Variants in ABCC5 observed in about 807,000 individuals in gnomAD.
ABCC5 encodes the protein ATP binding cassette subfamily C member 5.
ABCC5 carries 61 observed loss-of-function variants against 160.9 expected under a neutral mutation model. That is an observed-to-expected ratio of 0.38 (90% confidence interval 0.31 to 0.47). The LOEUF is 0.47. Ranked by LOEUF, ABCC5 falls within the 20% of genes least tolerant of loss-of-function variation. ABCC5 has a pLI of 0.99. For missense variants in ABCC5, 1,308 were observed against 1,813.3 expected (o/e 0.72, Z 5.06); for synonymous variants, 666 against 700.6 (o/e 0.95, Z 0.78).
intron 2 of ABCC5, chr3:184,009,920 G>A (rs762167076): frequency 5.7e-5 from 24 of 420,460 alleles, no homozygotes; most frequent in East Asian, 1.5e-4. Context: ...AGGCTGAGGC[G>A]GGAGGCTTGC....
chr3:183,928,077 C>T (rs1218883509), intron 27 of ABCC5, among the ~76,000 whole-genome samples: 1 of 151,740 alleles, frequency 6.6e-6, no homozygotes, highest in Non-Finnish European at 1.5e-5. Context: ...CATATGCACA[C>T]TGTGTGCTTT....
At chr3:183,943,945 C>G (rs1157118133) in intron 24 of ABCC5, among the ~76,000 whole-genome samples, 2 of 152,200 alleles carry the variant, frequency 1.3e-5, no homozygotes, top group Admixed American at 6.5e-5. Flanking sequence ...ATACACTGGG[C>G]AGCCACCTGC....
chr3:183,933,375 G>A (rs146125244), intron 26 of ABCC5, among the ~76,000 whole-genome samples: 293 of 152,156 alleles, frequency 1.9e-3, no homozygotes, highest in African/African-American at 6.6e-3. Context: ...AGCCTAGCCA[G>A]GCTCCAGACA....
rs1718790383 is a variant in ABCC5 at position 183,982,011 on chromosome 3, C to T, written c.1000-137G>A. 2 of 891,668 alleles carry T rather than the reference C, an allele frequency of 2.2e-6. No homozygotes were observed. The highest frequency in any genetic ancestry group is 3.4e-5 in the Admixed American group (1 of 29,280). The allele number at this position is 891,668 out of a possible 1,614,324, so 55.2% of individuals were successfully genotyped here. ...ATGGGCCAAATGTTATGTAATCGTA[C>T]TGTCTTTAATAAAAGTGACCTATTG... On this transcript the variant is annotated intron_variant, in intron 7 of 29. Transcript: ENST00000334444. The surrounding 1 kb of genome is among the most constrained non-coding windows in gnomAD (Gnocchi z 5.2).
intron 12 of ABCC5, among the ~76,000 whole-genome samples, chr3:183,966,599 C>A (rs1378982170): frequency 6.6e-6 from 1 of 152,128 alleles, no homozygotes; most frequent in Non-Finnish European, 1.5e-5. Flanking sequence ...TCCTTCTCCC[C>A]CTCCCCCCAT....
intron 29 of ABCC5, among the ~76,000 whole-genome samples, chr3:183,925,313 A>G (rs994411460): frequency 2.0e-5 from 3 of 152,250 alleles, no homozygotes; most frequent in African/African-American, 7.2e-5. Flanking sequence ...GACTTAAGTC[A>G]GTGTCGCTAC....
intron 17 of ABCC5, 29 bp from the exon 18 acceptor site, chr3:183,953,299 C>A: frequency 6.4e-7 from 1 of 1,571,630 alleles, no homozygotes; most frequent in South Asian, 1.2e-5. Context: ...AACATGGACT[C>A]AGAAGGGAAG....
intron 9 of ABCC5, 49 bp downstream of exon 9, chr3:183,978,454 G>T: frequency 2.5e-6 from 4 of 1,586,802 alleles, no homozygotes; most frequent in Non-Finnish European, 3.4e-6. Flanking sequence ...TCAGCCTCCA[G>T]CAAATGTGGT....
chr3:183,940,621 T>C (rs1434204329), intron 25 of ABCC5, among the ~76,000 whole-genome samples: 1 of 151,854 alleles, frequency 6.6e-6, no homozygotes, highest in Non-Finnish European at 1.5e-5. Flanking sequence ...CCCGAAACAA[T>C]GGGTCAAGTT....
Position 183,988,881 on chromosome 3 carries a change from A to C in ABCC5, c.288-154T>G, listed in dbSNP as rs372790664. On this transcript the variant is annotated intron_variant, in intron 3 of 29. Coordinates refer to ENST00000334444, the MANE Select transcript of ABCC5 (RefSeq NM_005688.4). This position sits in a 1 kb window ranked among gnomAD's most constrained non-coding sequence, Gnocchi z 4.4. ...GCCTGAATGTTCTAAAACGGCTTTG[A>C]TGGGCCGGGCGCGGTGGCTCACACC... Among the ~76,000 whole-genome samples, 3 of 152,054 alleles carry C rather than the reference A, an allele frequency of 2.0e-5. No homozygotes were observed. Among genetic ancestry groups the C allele is most frequent in the Admixed American group, 6.6e-5 (1 of 15,244 alleles).
At chr3:183,966,969 A>G (rs771219177) in intron 12 of ABCC5, among the ~76,000 whole-genome samples, 25 of 151,792 alleles carry the variant, frequency 1.6e-4, no homozygotes, top group Non-Finnish European at 3.4e-4. Context: ...CATCTAAGTC[A>G]AGTTAATTTA....
intron 10 of ABCC5, among the ~76,000 whole-genome samples, chr3:183,972,667 T>A (rs946684176): frequency 1.3e-5 from 2 of 152,200 alleles, no homozygotes; most frequent in African/African-American, 4.8e-5. Context: ...TTTTTTGAGA[T>A]GGAGTCTCGC....
Position 183,988,526 on chromosome 3 carries a change from TGCCCACCCG to T in ABCC5, c.443+37_443+45del. The T allele has an allele frequency of 6.3e-7, 1 of 1,576,988 alleles. No homozygotes were observed. Among genetic ancestry groups the T allele is most frequent in the Non-Finnish European group, 8.6e-7 (1 of 1,165,276 alleles). On this transcript the variant is annotated intron_variant, in intron 4 of 29. Coordinates refer to ENST00000334444, the MANE Select transcript of ABCC5 (RefSeq NM_005688.4). This position sits in a 1 kb window ranked among gnomAD's most constrained non-coding sequence, Gnocchi z 4.4. Reference sequence around the variant, plus strand: ...GACTTCACACTCCTAGCTCAGGCCCTGCCCACCCGGCATGGGGGAGATGAGGGTGGACCA... The same window carrying T: ...GACTTCACACTCCTAGCTCAGGCCCTGCATGGGGGAGATGAGGGTGGACCA...
At chr3:184,015,922 G>C (rs1193953481) in intron 1 of ABCC5, among the ~76,000 whole-genome samples, 2 of 152,202 alleles carry the variant, frequency 1.3e-5, no homozygotes, top group Non-Finnish European at 2.9e-5. Context: ...TAGCTTAGCT[G>C]ATTATCTGGA....
intron 1 of ABCC5, among the ~76,000 whole-genome samples, chr3:184,015,057 T>C (rs1204969092): frequency 1.3e-5 from 2 of 152,138 alleles, no homozygotes; most frequent in East Asian, 1.9e-4. Context: ...TAAAACTAGA[T>C]AGTGGTAATG....
chr3:183,998,815 C>A (rs536501771), intron 2 of ABCC5, among the ~76,000 whole-genome samples: 14 of 152,090 alleles, frequency 9.2e-5, no homozygotes, highest in East Asian at 1.9e-4. Flanking sequence ...CAGGGCCAGG[C>A]GTAGTGGCTC....
intron 28 of ABCC5, among the ~76,000 whole-genome samples, chr3:183,926,172 C>CA (rs1712539782): frequency 6.9e-6 from 1 of 145,974 alleles, no homozygotes; most frequent in South Asian, 2.2e-4. Context: ...AGAAAGCACG[C>CA]ATATATGTAA....
At chr3:183,975,194 G>A (rs1024995206) in intron 10 of ABCC5, among the ~76,000 whole-genome samples, 19 of 152,024 alleles carry the variant, frequency 1.2e-4, no homozygotes, top group Middle Eastern at 6.8e-3. Flanking sequence ...TTCCTTTAAC[G>A]TACTCAGAAA....
Position 183,982,419 on chromosome 3 carries a change from G to C in ABCC5, c.999+32C>G. The stretch of plus-strand genomic sequence containing the variant: ...GAAGTAACTCATCTCCTAAGGAGAA[G>C]CTGCCAGGATTCAGCTGGGAGGCTT... On this transcript the variant is annotated intron_variant, in intron 7 of 29. Coordinates refer to ENST00000334444, the MANE Select transcript of ABCC5 (RefSeq NM_005688.4). The surrounding 1 kb of genome is among the most constrained non-coding windows in gnomAD (Gnocchi z 5.2). 2 of 1,604,912 alleles carry C rather than the reference G, an allele frequency of 1.2e-6. No individual in the cohort carries two copies. The highest frequency in any genetic ancestry group is 1.7e-6 in the Non-Finnish European group (2 of 1,175,102).
Sources: allele counts gnomAD v4.1 joint callset (sites outside exome capture counted in the v4.1 genomes callset), GRCh38; gene constraint gnomAD v4.1.1; non-coding constraint Gnocchi (gnomAD v3.1); transcripts MANE v1.5; gene names NCBI Gene and HGNC (gene_info 2026-07-23, HGNC 2026-07-21).